CD226: variants seen among roughly 807,000 people sequenced by gnomAD.
The protein encoded by CD226 is CD226 molecule, also known as CD226 antigen.
In CD226, 24 loss-of-function variants were observed where a neutral mutation model predicts 34.9. That is an observed-to-expected ratio of 0.69 (90% confidence interval 0.50 to 0.97). The LOEUF (loss-of-function observed/expected upper bound fraction) is 0.97. Among genes scored for constraint, CD226 ranks in the 50% least tolerant of loss-of-function variants. CD226 has a pLI of 0.00. For missense variants in CD226, 397 were observed against 412.7 expected, an observed-to-expected ratio of 0.96 and a Z score of 0.33; for synonymous variants, 148 against 147.4, an observed-to-expected ratio of 1.00 and a Z score of -0.03.
chr18:69,946,938 T>C lies in CD226; in HGVS notation c.178A>G (p.Ile60Val). The change falls in exon 2 of 6, where the codon ATA becomes GTA. Residue 60 changes from isoleucine to valine, a missense_variant. Transcript: ENST00000582621. ...CCATGAGTAGGGCTGAAAATGGCTATGGAATCCTGCTGGGTCCCGATCTTG... is the reference window on the plus strand; with the variant it reads ...CCATGAGTAGGGCTGAAAATGGCTACGGAATCCTGCTGGGTCCCGATCTTG... ...WFKIGTQQDS[I>V]AIFSPTHGMV... 1 of 1,614,200 alleles carries C rather than the reference T, an allele frequency of 6.2e-7. No individual in the cohort carries two copies. The highest frequency in any genetic ancestry group is 8.5e-7 in the Non-Finnish European group (1 of 1,180,034).
chr18:69,946,017 C>T (rs906550157), intron 2 of CD226, among the ~76,000 whole-genome samples: 1 of 151,608 alleles, frequency 6.6e-6, no homozygotes, highest in Non-Finnish European at 1.5e-5. Context: ...GTCCCTCCCA[C>T]AACACATGGG....
chr18:69,885,873 C>T (rs745534247), intron 3 of CD226, among the ~76,000 whole-genome samples: 29 of 152,210 alleles, frequency 1.9e-4, no homozygotes, highest in Middle Eastern at 6.8e-3. Flanking sequence ...ATAGCATTGG[C>T]GTCAGCGAAG....
intron 2 of CD226, among the ~76,000 whole-genome samples, chr18:69,916,621 T>C (rs1434354522): frequency 6.6e-6 from 1 of 152,222 alleles, no homozygotes; most frequent in African/African-American, 2.4e-5. Flanking sequence ...TATTTTTTAA[T>C]GAGTCATTGG....
intron 3 of CD226, among the ~76,000 whole-genome samples, chr18:69,875,502 G>A (rs149862800): frequency 1.3e-5 from 2 of 152,204 alleles, no homozygotes; most frequent in African/African-American, 2.4e-5. Context: ...TTACATTCCC[G>A]CCAACAGTGT....
chr18:69,925,015 A>G (rs2055504435), intron 2 of CD226, among the ~76,000 whole-genome samples: 1 of 152,244 alleles, frequency 6.6e-6, no homozygotes, highest in Non-Finnish European at 1.5e-5. Flanking sequence ...AGCAACATAT[A>G]TTACTTTAAA....
In CD226 at chr18:69,861,554, G is replaced by GTGTATATATATATATATATA. The variant is rs59216052; in HGVS notation, c.*2759_*2760insTATATATATATATATATACA. The GTGTATATATATATATATATA allele has an allele frequency of 2.6e-3, 331 of 127,922 alleles. 11 individuals carry two copies. In the East Asian group the frequency reaches 0.028, roughly 11 times the overall value. The allele number at this position is 127,922 out of a possible 1,614,324, so 7.9% of individuals were successfully genotyped here. On this transcript the variant is annotated 3_prime_UTR_variant, in exon 6 of 6. Transcript: ENST00000582621. ...ATAAATTATATGTGTATATATATATGTATATATATATATATATATGTAAAA... is the reference window on the plus strand; with the variant it reads ...ATAAATTATATGTGTATATATATATGTGTATATATATATATATATATATATATATATATATATATGTAAAA...
At chr18:69,957,772 C>T (rs2055909144), upstream of CD226, among the ~76,000 whole-genome samples, 1 of 152,154 alleles carries the variant, frequency 6.6e-6, no homozygotes, top group African/African-American at 2.4e-5. Context: ...TTTACTAAGA[C>T]TTATTGTGGG....
chr18:69,900,431 GT>G (rs1169409419), intron 2 of CD226, among the ~76,000 whole-genome samples: 3 of 152,206 alleles, frequency 2.0e-5, no homozygotes, highest in East Asian at 1.9e-4. Flanking sequence ...AAACCTAAAA[GT>G]TTTTTTAAAA....
intron 2 of CD226, among the ~76,000 whole-genome samples, chr18:69,937,179 G>C (rs1194154713): frequency 6.6e-6 from 1 of 152,198 alleles, no homozygotes; most frequent in Admixed American, 6.5e-5. Context: ...GCCATGAATT[G>C]TAAACCGGAA....
At chr18:69,934,783 A>C (rs1002457772) in intron 2 of CD226, among the ~76,000 whole-genome samples, 3 of 152,330 alleles carry the variant, frequency 2.0e-5, no homozygotes, top group Admixed American at 6.5e-5. Flanking sequence ...AGCCCCATCA[A>C]CTGAGTTATT....
intron 2 of CD226, among the ~76,000 whole-genome samples, chr18:69,938,303 TC>T (rs1168196917): frequency 6.6e-6 from 1 of 152,030 alleles, no homozygotes; most frequent in African/African-American, 2.4e-5. Flanking sequence ...CTCCCAACTC[TC>T]CCCCTCTTTT....
chr18:69,864,467 A>G, intron 5 of CD226, 28 bp from the exon 6 acceptor site: 1 of 1,606,570 alleles, frequency 6.2e-7, no homozygotes, highest in Non-Finnish European at 8.5e-7. Context: ...AGAGAGTGTC[A>G]ATAATTCACT....
In CD226 at chr18:69,869,231, T is replaced by C. The variant is rs527660732; in HGVS notation, c.831-1820A>G. Among the ~76,000 whole-genome samples the C allele has an allele frequency of 1.1e-4, 17 of 152,284 alleles. 2 individuals are homozygous for C. In the South Asian group the frequency reaches 3.3e-3, roughly 30 times the overall value. On this transcript the variant is annotated intron_variant, in intron 4 of 5. Transcript: ENST00000582621. ...GTGTTCATTGCAGCACTATTCATGA[T>C]AGCAAAGACATGGAATCAACCTCAA...
chr18:69,872,534 T>C (rs936917699), intron 4 of CD226, among the ~76,000 whole-genome samples: 2 of 152,122 alleles, frequency 1.3e-5, no homozygotes, highest in Non-Finnish European at 2.9e-5. Context: ...TTCAGGCACA[T>C]ATCACTGTGA....
rs1982752512 is a variant in CD226, at chr18:69,860,398, A to C, written c.*3916T>G. The C allele has an allele frequency of 6.6e-6, 1 of 152,244 alleles. No individual in the cohort carries two copies. The highest frequency in any genetic ancestry group is 2.4e-5 in the African/African-American group (1 of 41,470). 9.4% of individuals were successfully genotyped at this position (152,244 alleles called of 1,614,324 possible). ...ATTCTAACAAGGATAATACGAAATA[A>C]ACCAGAATTATCCCAGACATTTATT... On this transcript the variant is annotated 3_prime_UTR_variant, in exon 6 of 6. Transcript: ENST00000582621.
chr18:69,910,579 T>C (rs1200618733), intron 2 of CD226, among the ~76,000 whole-genome samples: 1 of 152,088 alleles, frequency 6.6e-6, no homozygotes, highest in Non-Finnish European at 1.5e-5. Flanking sequence ...CTCAATGCAA[T>C]GTGGTGGCCT....
intron 3 of CD226, among the ~76,000 whole-genome samples, chr18:69,875,464 T>C (rs1177793966): frequency 6.6e-6 from 1 of 152,246 alleles, no homozygotes; most frequent in Non-Finnish European, 1.5e-5. Context: ...AGGAACCTAC[T>C]ACCTGTACCA....
At chr18:69,871,730 T>C (rs954399090) in intron 4 of CD226, among the ~76,000 whole-genome samples, 2 of 152,178 alleles carry the variant, frequency 1.3e-5, no homozygotes, top group Admixed American at 6.5e-5. Context: ...TTCCACAAAA[T>C]TTATCAACAT....
intron 3 of CD226, among the ~76,000 whole-genome samples, chr18:69,884,242 T>A (rs1281792322): frequency 2.0e-5 from 3 of 152,112 alleles, no homozygotes; most frequent in Non-Finnish European, 2.9e-5. Context: ...TTGTGGAATA[T>A]CACCCTGATT....
Sources: allele counts gnomAD v4.1 joint callset (sites outside exome capture counted in the v4.1 genomes callset), GRCh38; gene constraint gnomAD v4.1.1; transcripts MANE v1.5; gene names NCBI Gene and HGNC (gene_info 2026-07-23, HGNC 2026-07-21).